HIVEP3: variants seen among roughly 807,000 people sequenced by gnomAD.
HIVEP3 encodes HIVEP zinc finger 3, also known as transcription factor HIVEP3.
Under a neutral mutation model 152.8 loss-of-function variants are expected in HIVEP3, and 49 were observed. The observed-to-expected ratio is 0.32, with a 90% CI of 0.26 to 0.41. HIVEP3 has a LOEUF of 0.41. Among genes scored for constraint, HIVEP3 ranks in the 10% least tolerant of loss-of-function variants. HIVEP3 has a pLI of 1.00. For missense variants in HIVEP3, 2,790 were observed against 3,103.3 expected (o/e 0.90, Z 2.40); for synonymous variants, 1,269 against 1,289.0 (o/e 0.98, Z 0.33).
intron 1 of HIVEP3, among the ~76,000 whole-genome samples, chr1:41,704,095 T>C (rs535794319): frequency 1.4e-4 from 22 of 152,240 alleles, no homozygotes; most frequent in African/African-American, 5.3e-4. Context: ...GGATGTTGGG[T>C]GGATTAAATG....
At chr1:41,645,733 T>TTTA (rs1645449196) in intron 2 of HIVEP3, among the ~76,000 whole-genome samples, 2 of 152,176 alleles carry the variant, frequency 1.3e-5, no homozygotes, top group African/African-American at 4.8e-5. Flanking sequence ...GCTCAGTAAA[T>TTTA]ACATGCTGGG....
chr1:41,522,148 A>G (rs1357537807), intron 6 of HIVEP3, among the ~76,000 whole-genome samples: 2 of 152,194 alleles, frequency 1.3e-5, no homozygotes, highest in African/African-American at 4.8e-5. Flanking sequence ...AGGTGGCCCA[A>G]TGGGGAGGCA....
At chr1:41,545,740 CCAT>C (rs1643782636) in intron 5 of HIVEP3, among the ~76,000 whole-genome samples, 1 of 146,526 alleles carries the variant, frequency 6.8e-6, no homozygotes, top group Non-Finnish European at 1.5e-5. Context: ...ACCATCACCA[CCAT>C]CACCACTGCC....
intron 1 of HIVEP3, among the ~76,000 whole-genome samples, chr1:41,906,170 G>C (rs56157734): frequency 0.026 from 4,019 of 152,162 alleles, 76 homozygotes; most frequent in Non-Finnish European, 0.026. Flanking sequence ...TCAGCCAAGC[G>C]TGGTGGCATG....
At chr1:41,977,385 G>C (rs1005230563) in intron 1 of HIVEP3, among the ~76,000 whole-genome samples, 1 of 152,108 alleles carries the variant, frequency 6.6e-6, no homozygotes, top group African/African-American at 2.4e-5. Flanking sequence ...TACCCCAGGA[G>C]AGAGGTGTGC....
intron 1 of HIVEP3, among the ~76,000 whole-genome samples, chr1:41,852,760 C>T (rs1208578253): frequency 2.0e-5 from 3 of 152,242 alleles, no homozygotes; most frequent in Admixed American, 6.5e-5. Flanking sequence ...GACCCAGTTA[C>T]TCCCAAACTG....
intron 1 of HIVEP3, among the ~76,000 whole-genome samples, chr1:41,734,068 C>A (rs1380926907): frequency 2.0e-5 from 3 of 152,018 alleles, no homozygotes; most frequent in African/African-American, 7.3e-5. Flanking sequence ...TCTCCATGCC[C>A]CCAAATCTGC....
At chr1:42,003,487 A>G (rs1445610411) in intron 1 of HIVEP3, among the ~76,000 whole-genome samples, 2 of 152,228 alleles carry the variant, frequency 1.3e-5, no homozygotes, top group East Asian at 3.8e-4. Context: ...TTTACTCAGC[A>G]AAGAGGTCCT....
chr1:41,986,849 T>A (rs964217092), intron 1 of HIVEP3, among the ~76,000 whole-genome samples: 7 of 152,350 alleles, frequency 4.6e-5, no homozygotes, highest in African/African-American at 1.7e-4. Context: ...TTATCAAATA[T>A]ATTTAAACAC....
In HIVEP3 at chr1:41,510,671, G is replaced by A. The variant is rs1227667321; in HGVS notation, c.7001C>T (p.Ser2334Phe). 1 of 1,524,630 alleles carries A rather than the reference G, an allele frequency of 6.6e-7. No individual in the cohort carries two copies. The highest frequency in any genetic ancestry group is 8.8e-7 in the Non-Finnish European group (1 of 1,134,788). 94.4% of individuals were successfully genotyped at this position (1,524,630 alleles called of 1,614,324 possible). A position where few individuals can be genotyped will look rare whatever the true frequency, so the allele number is the denominator to read the frequency against. ...CTCGGGGTTGGTCGGTGCACGCGGG[G>A]ACTCCAAGCGGGGGCTCCAGGACTG... ...AAQSWSPRLE[S>F]PRAPTNPEPS... is the part of the protein sequence containing the mutation. The change falls in exon 9 of 9, where the codon TCC becomes TTC. Residue 2334 changes from serine (S) to phenylalanine (F), a missense_variant. By Grantham distance (155) the Ser-to-Phe change is radical (BLOSUM62 -2). This residue lies in a region of HIVEP3 where 816 missense variants were observed against 806.5 expected (regional missense o/e 1.01). Transcript: ENST00000372583.
At chr1:42,035,719 C>G (rs1342480289) in intron 1 of HIVEP3, 1 of 151,900 alleles carries the variant, frequency 6.6e-6, no homozygotes, top group Non-Finnish European at 1.5e-5. Flanking sequence ...GGAGCTGCGG[C>G]GCTGACACGG....
intron 5 of HIVEP3, chr1:41,544,386 C>G (rs1643609334): frequency 6.6e-6 from 1 of 151,960 alleles, no homozygotes; most frequent in Non-Finnish European, 1.5e-5. Flanking sequence ...TGAGGTCACA[C>G]AACCAGTGGG....
In HIVEP3 at chr1:41,908,791, G is replaced by C. The variant is rs547767356; in HGVS notation, c.-801+9622C>G. Among the ~76,000 whole-genome samples the C allele has an allele frequency of 2.6e-5, 4 of 152,274 alleles. No homozygotes were observed. The East Asian group carries it at 7.7e-4, about 29-fold the overall frequency. Reference sequence around the variant, plus strand: ...AAGCAAAATCTGAAGCCTAGTATAAGAGCCAATCCCTGAAGCTAGCTTGAA... The same window carrying C: ...AAGCAAAATCTGAAGCCTAGTATAACAGCCAATCCCTGAAGCTAGCTTGAA... On this transcript the variant is annotated intron_variant, in intron 1 of 8. Transcript: ENST00000372583.
At chr1:41,820,226 T>C (rs1642552917) in intron 1 of HIVEP3, among the ~76,000 whole-genome samples, 1 of 152,244 alleles carries the variant, frequency 6.6e-6, no homozygotes, top group African/African-American at 2.4e-5. Context: ...CTACTTCTCA[T>C]TCTGCCAATT....
intron 1 of HIVEP3, among the ~76,000 whole-genome samples, chr1:41,966,472 A>ATTATTTTTTTTTTT (rs1217444785): frequency 2.1e-5 from 1 of 46,572 alleles, no homozygotes; most frequent in East Asian, 1.6e-3. Flanking sequence ...AGTGTGCTGT[A>ATTATTTTTTTTTTT]TTCTTTTTTT....
intron 1 of HIVEP3, among the ~76,000 whole-genome samples, chr1:41,863,355 G>A (rs1190926922): frequency 6.6e-6 from 1 of 152,224 alleles, no homozygotes; most frequent in East Asian, 1.9e-4. Flanking sequence ...CTGATCTGTA[G>A]AGCCTGGAAT....
chr1:41,866,917 G>A (rs1276233917), intron 1 of HIVEP3, among the ~76,000 whole-genome samples: 1 of 152,328 alleles, frequency 6.6e-6, no homozygotes, highest in East Asian at 1.9e-4. Flanking sequence ...GTGTCTTAAG[G>A]ACACTCAACG....
chr1:41,576,016 G>T (rs1644322543), intron 4 of HIVEP3, among the ~76,000 whole-genome samples: 1 of 152,260 alleles, frequency 6.6e-6, no homozygotes, highest in South Asian at 2.1e-4. Flanking sequence ...TCCTCATCTT[G>T]GTCTCCTTGG....
intron 3 of HIVEP3, among the ~76,000 whole-genome samples, chr1:41,597,957 T>C (rs528757297): frequency 1.3e-5 from 2 of 152,362 alleles, no homozygotes; most frequent in African/African-American, 4.8e-5. Context: ...CATAGCTAGC[T>C]ATCCACCTAC....
Sources: allele counts gnomAD v4.1 joint callset (sites outside exome capture counted in the v4.1 genomes callset), GRCh38; gene constraint gnomAD v4.1.1; regional missense constraint gnomAD v4.1.1; transcripts MANE v1.5; gene names NCBI Gene and HGNC (gene_info 2026-07-23, HGNC 2026-07-21).